TMED2: variants seen among roughly 807,000 people sequenced by gnomAD.
TMED2 encodes the protein transmembrane p24 trafficking protein 2.
TMED2 carries 3 observed loss-of-function variants against 17.5 expected under a neutral mutation model. That is an observed-to-expected ratio of 0.17 (90% CI 0.08 to 0.44). The LOEUF is 0.44. TMED2 is among the 20% of genes least tolerant of loss of function. The probability of loss-of-function intolerance (pLI) is 0.99; values close to 1 mark genes in which losing one functional copy is unlikely to be tolerated. For synonymous variants in TMED2, 95 were observed against 91.0 expected, an observed-to-expected ratio of 1.04 and a Z score of -0.25; for missense variants, 149 against 254.8, an observed-to-expected ratio of 0.58 and a Z score of 2.83.
At chr12:123,589,591 C>G (rs1404428193) in intron 2 of TMED2, among the ~76,000 whole-genome samples, 1 of 151,896 alleles carries the variant, frequency 6.6e-6, no homozygotes, top group Non-Finnish European at 1.5e-5. Context: ...TGTTTCCTAC[C>G]CTGAAAGAGG....
At chr12:123,594,952 G>C (rs889394620) in intron 3 of TMED2, among the ~76,000 whole-genome samples, 8 of 151,748 alleles carry the variant, frequency 5.3e-5, no homozygotes, top group Non-Finnish European at 1.2e-4. Context: ...AATTTGGCCA[G>C]GCGTGGTGGC....
chr12:123,590,412 G>A lies in TMED2; in HGVS notation c.444G>A (p.Gln148=). The A allele has an allele frequency of 6.2e-7, 1 of 1,610,428 alleles. No individual in the cohort carries two copies. The highest frequency in any genetic ancestry group is 8.5e-7 in the Non-Finnish European group (1 of 1,177,762). Residue 148 remains glutamine (Q), a synonymous_variant, in exon 3 of 4, where the codon CAG becomes CAA. Coordinates refer to ENST00000262225, the MANE Select transcript of TMED2 (RefSeq NM_006815.4). ...CGATGACAGCTGTAAAGCACGAACA[G>A]GAATACATGGAAGTCCGGGAGAGAA... ...AVAMTAVKHE[Q]EYMEVRERIH...
chr12:123,584,567 C>CGGCGGCGGCGGTGGCTGAGAAGGCAGCGG lies in TMED2; in HGVS notation c.-59_-58insTGGCTGAGAAGGCAGCGGGGCGGCGGCGG. 1 of 7,002 alleles carries CGGCGGCGGCGGTGGCTGAGAAGGCAGCGG rather than the reference C, an allele frequency of 1.4e-4. No homozygotes were observed. Among genetic ancestry groups the CGGCGGCGGCGGTGGCTGAGAAGGCAGCGG allele is most frequent in the South Asian group, 7.0e-4 (1 of 1,428 alleles). 0.4% of individuals were successfully genotyped at this position (7,002 alleles called of 1,614,324 possible). ...GGCGGTGGCTGAGAAGGCAGCGGGG[C>CGGCGGCGGCGGTGGCTGAGAAGGCAGCGG]GGCGGCGGCGGCGGCGGCGGCGGCT... On this transcript the variant is annotated 5_prime_UTR_variant, in exon 1 of 4. Coordinates refer to ENST00000262225, the MANE Select transcript of TMED2 (RefSeq NM_006815.4).
Position 123,584,860 on chromosome 12 carries a change from C to T in TMED2, c.180+44C>T, listed in dbSNP as rs762623338. ...CAGCTGAGGCTTGGTCGCGTGGCCA[C>T]TCGGGGATTGGTGGCACCTGGGACC... On this transcript the variant is annotated intron_variant, in intron 1 of 3. Transcript: ENST00000262225. 7 of 1,596,130 alleles carry T rather than the reference C, an allele frequency of 4.4e-6. No individual in the cohort carries two copies. The East Asian group carries it at 1.6e-4, about 36-fold the overall frequency.
chr12:123,586,108 A>G (rs895430424), intron 1 of TMED2: 5 of 152,246 alleles, frequency 3.3e-5, no homozygotes, highest in African/African-American at 7.2e-5. Context: ...GAGTTTTGCT[A>G]TCAGTCACAG....
rs1323033232 is a variant in TMED2, at chr12:123,587,009, G to T, written c.373+70G>T. ...ATTTTAGTTCTATACATTTTTACCT[G>T]TCTGAGTGGAGTACTTATTTTTTTT... is the stretch of plus-strand genomic sequence containing the variant. On this transcript the variant is annotated intron_variant, in intron 2 of 3. Transcript: ENST00000262225. 8 of 1,353,500 alleles carry T rather than the reference G, an allele frequency of 5.9e-6. No individual in the cohort carries two copies. The Admixed American group carries it at 1.9e-4, about 33-fold the overall frequency. 83.8% of individuals were successfully genotyped at this position (1,353,500 alleles called of 1,614,324 possible). A position where few individuals can be genotyped will look rare whatever the true frequency, so the allele number is the denominator to read the frequency against.
At chr12:123,594,191 G>A (rs1953413415) in intron 3 of TMED2, among the ~76,000 whole-genome samples, 1 of 150,526 alleles carries the variant, frequency 6.6e-6, no homozygotes, top group Non-Finnish European at 1.5e-5. Context: ...CAGGAGTGCA[G>A]TGGTGCAAAC....
chr12:123,588,706 G>A (rs1463439145), intron 2 of TMED2, among the ~76,000 whole-genome samples: 2 of 152,118 alleles, frequency 1.3e-5, no homozygotes, highest in East Asian at 1.9e-4. Flanking sequence ...TTTTTTATTC[G>A]GAAGACTGGG....
intron 3 of TMED2, 103 bp from the exon 4 acceptor site, chr12:123,596,502 A>C: frequency 1.4e-6 from 2 of 1,426,608 alleles, no homozygotes; most frequent in Non-Finnish European, 1.9e-6. Context: ...AGTGGTGTAC[A>C]CAATATTACT....
At chr12:123,596,405 A>C (rs941842583) in intron 3 of TMED2, among the ~76,000 whole-genome samples, 200 bp from the exon 4 acceptor site, 3 of 152,174 alleles carry the variant, frequency 2.0e-5, no homozygotes, top group Non-Finnish European at 2.9e-5. Flanking sequence ...AGGTGTATTA[A>C]ATATATTTTT....
chr12:123,591,853 G>A (rs143647675), intron 3 of TMED2, among the ~76,000 whole-genome samples: 5 of 152,272 alleles, frequency 3.3e-5, no homozygotes, highest in African/African-American at 1.2e-4. Flanking sequence ...AGGCTGAGGC[G>A]GGGGATTGCT....
chr12:123,587,958 A>G (rs755838498), intron 2 of TMED2, among the ~76,000 whole-genome samples: 5 of 152,256 alleles, frequency 3.3e-5, no homozygotes, highest in Admixed American at 1.3e-4. Context: ...AGCTCATAGC[A>G]AATGGTGCCT....
chr12:123,585,386 C>CT (rs1457591119), intron 1 of TMED2, among the ~76,000 whole-genome samples: 1 of 152,202 alleles, frequency 6.6e-6, no homozygotes, highest in Admixed American at 6.5e-5. Flanking sequence ...CGTTTAGTCT[C>CT]TTCTGCCAAG....
At chr12:123,587,653 A>G (rs1019073705) in intron 2 of TMED2, 7 of 1,271,042 alleles carry the variant, frequency 5.5e-6, no homozygotes, top group Non-Finnish European at 7.1e-6. Flanking sequence ...GCTTTTTGAC[A>G]GCATCCTTTT....
chr12:123,593,119 T>G (rs1055314580), intron 3 of TMED2, among the ~76,000 whole-genome samples: 1 of 152,196 alleles, frequency 6.6e-6, no homozygotes, highest in Non-Finnish European at 1.5e-5. Flanking sequence ...TGAGATCACT[T>G]GAACCCAGGA....
In TMED2 at chr12:123,597,779, G is replaced by C. The variant is rs1953442057; in HGVS notation, c.*1050G>C. On this transcript the variant is annotated 3_prime_UTR_variant, in exon 4 of 4. Transcript: ENST00000262225. ...TCTGATGATGGGTTTAAAATTAAAA[G>C]AGCATCCGGTTTTGGTATGGGGATG... 1 of 151,330 alleles carries C rather than the reference G, an allele frequency of 6.6e-6. No individual in the cohort carries two copies. Among genetic ancestry groups the C allele is most frequent in the Admixed American group, 6.6e-5 (1 of 15,156 alleles). The allele number at this position is 151,330 out of a possible 1,614,324, so 9.4% of individuals were successfully genotyped here. A position where few individuals can be genotyped will look rare whatever the true frequency, so the allele number is the denominator to read the frequency against.
intron 3 of TMED2, among the ~76,000 whole-genome samples, chr12:123,591,359 A>G (rs1371226692): frequency 6.6e-6 from 1 of 152,226 alleles, no homozygotes; most frequent in East Asian, 1.9e-4. Context: ...TGGATAGAGC[A>G]TTAAAAATGA....
At chr12:123,592,927 C>T (rs556980000) in intron 3 of TMED2, among the ~76,000 whole-genome samples, 18 of 151,780 alleles carry the variant, frequency 1.2e-4, no homozygotes, top group Admixed American at 1.1e-3. Context: ...AAAATTAGGC[C>T]GAGCACAGTG....
chr12:123,592,210 G>T (rs1342590947), intron 3 of TMED2, among the ~76,000 whole-genome samples: 1 of 152,138 alleles, frequency 6.6e-6, no homozygotes, highest in Non-Finnish European at 1.5e-5. Context: ...TTGTCTCCTT[G>T]CCTCCACTCT....
Sources: gnomAD v4.1 joint callset for allele counts (sites outside exome capture counted in the v4.1 genomes callset) on GRCh38, gnomAD v4.1.1 for gene constraint, MANE v1.5 for transcripts, NCBI Gene and HGNC (gene_info 2026-07-23, HGNC 2026-07-21) for gene names.